Variants in CPQ observed in about 807,000 individuals in gnomAD.
CPQ encodes the protein Ser-Met dipeptidase.
In CPQ, 37 loss-of-function variants were observed where a neutral mutation model predicts 45.7. That is an observed-to-expected ratio of 0.81 (90% CI 0.62 to 1.07). The LOEUF is 1.07. CPQ is among the 50% of genes least tolerant of loss of function. CPQ has a pLI of 0.00. For missense variants in CPQ, 537 were observed against 572.9 expected (o/e 0.94, Z 0.64); for synonymous variants, 186 against 205.8 (o/e 0.90, Z 0.82).
At chr8:97,141,960 A>G (rs1295220834) in intron 7 of CPQ, among the ~76,000 whole-genome samples, 4 of 152,176 alleles carry the variant, frequency 2.6e-5, no homozygotes, top group Non-Finnish European at 5.9e-5. Flanking sequence ...GTGGTAAAGT[A>G]TGAAGTGGTA....
intron 5 of CPQ, among the ~76,000 whole-genome samples, chr8:96,967,146 A>G (rs895373871): frequency 6.6e-6 from 1 of 152,164 alleles, no homozygotes; most frequent in Non-Finnish European, 1.5e-5. Flanking sequence ...TTCTCATATC[A>G]TTCCAGAAAG....
chr8:97,071,520 G>A (rs1810742994), intron 7 of CPQ, among the ~76,000 whole-genome samples: 1 of 152,100 alleles, frequency 6.6e-6, no homozygotes, highest in South Asian at 2.1e-4. Context: ...TACAAGTCCT[G>A]TTTACTCCAA....
Position 96,805,729 on chromosome 8 carries a change from C to T in CPQ, c.433+20399C>T, listed in dbSNP as rs147541189. On this transcript the variant is annotated intron_variant, in intron 2 of 7. Coordinates refer to ENST00000220763, the MANE Select transcript of CPQ (RefSeq NM_016134.4). The stretch of plus-strand genomic sequence containing the variant: ...ACTTTCACCCCACTGTAACTTGTCC[C>T]TAGTGGAAATTTTTCCATTAGTTTC... 4.3e-3 allele frequency among the ~76,000 whole-genome samples: 651 copies of T among 152,112 alleles called. 10 individuals carry two copies. The highest frequency in any genetic ancestry group is 0.013 in the African/African-American group (559 of 41,488).
At chr8:96,761,998 G>A (rs1810411506) in intron 1 of CPQ, among the ~76,000 whole-genome samples, 1 of 152,196 alleles carries the variant, frequency 6.6e-6, no homozygotes, top group Admixed American at 6.5e-5. Flanking sequence ...CTGTAACAGG[G>A]AAGGAGTATG....
At chr8:97,070,404 C>G (rs1810719786) in intron 7 of CPQ, among the ~76,000 whole-genome samples, 1 of 152,160 alleles carries the variant, frequency 6.6e-6, no homozygotes, top group African/African-American at 2.4e-5. Context: ...AGGTTAAGGT[C>G]AATAATTTCT....
chr8:97,058,318 G>A lies in CPQ; in HGVS notation c.1054-7691G>A, dbSNP rs181256717. The stretch of plus-strand genomic sequence containing the variant: ...CTACTTATGGGTAGATGAACTTAGC[G>A]GTCCATTATAACCTTAGAAAGGGAC... On this transcript the variant is annotated intron_variant, in intron 6 of 7. Transcript: ENST00000220763. 7.2e-5 allele frequency among the ~76,000 whole-genome samples: 11 copies of A among 152,084 alleles called. No individual in the cohort carries two copies. In the East Asian group the frequency reaches 1.5e-3, roughly 21 times the overall value.
chr8:96,785,255 G>T lies in CPQ; in HGVS notation c.358G>T (p.Ala120Ser), dbSNP rs759062668. ...IPHWERGEES[A>S]VMLEPRIHKI... ...CCACTGGGAGAGGGGAGAAGAATCA[G>T]CTGTGATGCTGGAGCCAAGAATTCA... Residue 120 changes from alanine to serine, a missense_variant, in exon 2 of 8, where the codon GCT (alanine) becomes TCT (serine). Ala to Ser is a moderately conservative substitution (Grantham distance 99, BLOSUM62 1). Coordinates refer to ENST00000220763, the MANE Select transcript of CPQ (RefSeq NM_016134.4). 2 of 1,613,602 alleles carry T rather than the reference G, an allele frequency of 1.2e-6. No homozygotes were observed. Among genetic ancestry groups the T allele is most frequent in the Middle Eastern group, 3.3e-4 (2 of 6,056 alleles).
chr8:96,761,673 T>C (rs1029061096), intron 1 of CPQ, among the ~76,000 whole-genome samples: 3 of 152,204 alleles, frequency 2.0e-5, no homozygotes, highest in Non-Finnish European at 4.4e-5. Flanking sequence ...TCATTTATCA[T>C]CTCTAAGCCT....
intron 3 of CPQ, among the ~76,000 whole-genome samples, chr8:96,850,671 G>C (rs1164915105): frequency 6.6e-6 from 1 of 151,386 alleles, no homozygotes; most frequent in Non-Finnish European, 1.5e-5. Flanking sequence ...GTGCAGCAGT[G>C]AGATCTTGGC....
chr8:97,132,024 G>GGTA (rs2130623384), intron 7 of CPQ, among the ~76,000 whole-genome samples: 1 of 152,228 alleles, frequency 6.6e-6, no homozygotes, highest in South Asian at 2.1e-4. Flanking sequence ...TTCTTTGAAA[G>GGTA]GTAAAATATC....
At chr8:96,941,293 T>C (rs1412013677) in intron 4 of CPQ, among the ~76,000 whole-genome samples, 1 of 152,166 alleles carries the variant, frequency 6.6e-6, no homozygotes, top group Non-Finnish European at 1.5e-5. Flanking sequence ...GCTGAACTTG[T>C]GCTGGCCTTG....
At chr8:96,789,454 G>C (rs1810818590) in intron 2 of CPQ, among the ~76,000 whole-genome samples, 2 of 151,988 alleles carry the variant, frequency 1.3e-5, no homozygotes, top group African/African-American at 4.8e-5. Context: ...CTTTTGGCTG[G>C]GTTCCCTATG....
chr8:96,935,262 G>A (rs1813029958), intron 4 of CPQ, among the ~76,000 whole-genome samples: 1 of 152,158 alleles, frequency 6.6e-6, no homozygotes, highest in Non-Finnish European at 1.5e-5. Flanking sequence ...ATGGCAACAG[G>A]CGTATATCCT....
rs1021725347 is a variant in CPQ, at chr8:96,707,617, A to C, written c.-35+62215A>C. On this transcript the variant is annotated intron_variant, in intron 1 of 7. Transcript: ENST00000220763. ...GTATTAACTTTCTACTGGTATTACAAAAAAATTACCATGGACTTACTGGCT... is the reference window on the plus strand; with the variant it reads ...GTATTAACTTTCTACTGGTATTACACAAAAATTACCATGGACTTACTGGCT... Among the ~76,000 whole-genome samples, 7 of 152,118 alleles carry C rather than the reference A, an allele frequency of 4.6e-5. 1 individual carries two copies. Among genetic ancestry groups the C allele is most frequent in the African/African-American group, 1.7e-4 (7 of 41,436 alleles).
chr8:96,832,833 G>A (rs939457650), intron 2 of CPQ, among the ~76,000 whole-genome samples: 3 of 152,112 alleles, frequency 2.0e-5, no homozygotes, highest in Non-Finnish European at 2.9e-5. Flanking sequence ...AGTGGAAATG[G>A]GGAAGAGGGG....
At chr8:97,133,775 A>T (rs1205127989) in intron 7 of CPQ, among the ~76,000 whole-genome samples, 1 of 152,212 alleles carries the variant, frequency 6.6e-6, no homozygotes, top group Non-Finnish European at 1.5e-5. Context: ...AACTTCACTA[A>T]ATCTGGGACC....
chr8:96,873,923 A>G (rs752922350), intron 3 of CPQ, among the ~76,000 whole-genome samples: 2 of 151,894 alleles, frequency 1.3e-5, no homozygotes, highest in Non-Finnish European at 3.0e-5. Flanking sequence ...ATAAGAAGCT[A>G]GTCAGAACTG....
chr8:96,940,292 G>A (rs80088884), intron 4 of CPQ, among the ~76,000 whole-genome samples: 13,981 of 152,140 alleles, frequency 0.092, 1,357 homozygotes, highest in African/African-American at 0.25. Flanking sequence ...TCATAAAACT[G>A]AAGGTTAACA....
intron 7 of CPQ, among the ~76,000 whole-genome samples, chr8:97,124,264 A>T (rs1047655466): frequency 2.0e-5 from 3 of 150,684 alleles, no homozygotes; most frequent in East Asian, 3.9e-4. Flanking sequence ...AAATTCATTC[A>T]ATTACAAGCT....
Sources: gnomAD v4.1 joint callset for allele counts (sites outside exome capture counted in the v4.1 genomes callset) on GRCh38, gnomAD v4.1.1 for gene constraint, MANE v1.5 for transcripts, NCBI Gene and HGNC (gene_info 2026-07-23, HGNC 2026-07-21) for gene names.